The following JPH2 variants were observed in gnomAD, a reference collection of about 807,000 sequenced individuals.
The protein encoded by JPH2 is junctophilin-2.
JPH2 carries 38 observed loss-of-function variants against 55.9 expected under a neutral mutation model. The observed-to-expected ratio is 0.68, with a 90% CI of 0.52 to 0.89. The LOEUF (loss-of-function observed/expected upper bound fraction) is 0.89, where lower values mean the gene tolerates loss of function less well. JPH2 is among the 40% of genes least tolerant of loss of function. JPH2 has a pLI of 0.00. For synonymous variants in JPH2, 480 were observed against 472.4 expected (o/e 1.02, Z -0.21); for missense variants, 964 against 1,037.6 (o/e 0.93, Z 0.97).
intron 1 of JPH2, among the ~76,000 whole-genome samples, chr20:44,185,164 G>A (rs1213288632): frequency 6.6e-6 from 1 of 152,084 alleles, no homozygotes; most frequent in Non-Finnish European, 1.5e-5. Flanking sequence ...TAATTAGCTA[G>A]GCTTGGTGGC....
chr20:44,131,114 AC>A (rs2072315349), intron 2 of JPH2, among the ~76,000 whole-genome samples: 1 of 152,104 alleles, frequency 6.6e-6, no homozygotes, highest in Admixed American at 6.5e-5. Flanking sequence ...TGTGGGCTGG[AC>A]CTAGAGACAT....
chr20:44,114,710 C>T, intron 5 of JPH2, 72 bp downstream of exon 5: 1 of 1,138,980 alleles, frequency 8.8e-7, no homozygotes, highest in Non-Finnish European at 1.3e-6. Context: ...GTCCCTCCTC[C>T]CACCACCCTG....
chr20:44,143,352 C>G (rs530581206), intron 2 of JPH2, among the ~76,000 whole-genome samples: 2 of 152,244 alleles, frequency 1.3e-5, no homozygotes, highest in Admixed American at 1.3e-4. Context: ...GAGGCAAGCT[C>G]CATGTAAGGT....
intron 1 of JPH2, among the ~76,000 whole-genome samples, chr20:44,175,339 G>C (rs1173242380): frequency 6.6e-6 from 1 of 152,208 alleles, no homozygotes; most frequent in Non-Finnish European, 1.5e-5. Flanking sequence ...GTCCACCTCT[G>C]TCTTTTTAAA....
chr20:44,138,162 C>A (rs939597302), intron 2 of JPH2, among the ~76,000 whole-genome samples: 2 of 151,624 alleles, frequency 1.3e-5, no homozygotes, highest in Non-Finnish European at 2.9e-5. Context: ...TGCCCGCCAC[C>A]ACGCCCGGCC....
intron 2 of JPH2, among the ~76,000 whole-genome samples, chr20:44,157,246 T>C (rs2072572469): frequency 6.6e-6 from 1 of 152,208 alleles, no homozygotes; most frequent in South Asian, 2.1e-4. Flanking sequence ...TCTCCAGGGA[T>C]TGCCCTTGGC....
chr20:44,110,814 TAG>T lies in JPH2; in HGVS notation c.*2702_*2703del, dbSNP rs374772017. Among the ~76,000 whole-genome samples the T allele has an allele frequency of 3.9e-5, 6 of 152,264 alleles. No individual in the cohort carries two copies. Among genetic ancestry groups the T allele is most frequent in the East Asian group, 3.9e-4 (2 of 5,186 alleles). ...ATGAGGAAGACCATGGGGCAGGGAT[TAG>T]AGTCTCCTCAGCAGAAGAGGAAACT... On this transcript the variant is annotated 3_prime_UTR_variant, in exon 6 of 6. Transcript: ENST00000372980.
intron 2 of JPH2, among the ~76,000 whole-genome samples, chr20:44,158,685 T>TGGAC (rs2072582110): frequency 1.3e-5 from 2 of 152,234 alleles, no homozygotes; most frequent in African/African-American, 4.8e-5. Context: ...GGAGGGTGGA[T>TGGAC]GGACGCATGG....
intron 1 of JPH2, among the ~76,000 whole-genome samples, chr20:44,170,494 A>G (rs1318304755): frequency 1.3e-5 from 2 of 152,254 alleles, no homozygotes; most frequent in African/African-American, 2.4e-5. Flanking sequence ...CAGAGTGAGC[A>G]TCAGAGAGTC....
chr20:44,136,439 G>GT, intron 2 of JPH2, among the ~76,000 whole-genome samples: 1 of 124,846 alleles, frequency 8.0e-6, no homozygotes, highest in Non-Finnish European at 1.7e-5. Context: ...GGGACTCATC[G>GT]CCATCATCAT....
In JPH2 at chr20:44,111,084, C is replaced by T. The variant is rs539358660; in HGVS notation, c.*2434G>A. ...TGCCACCAACTTGCTGTGTGCGTGA[C>T]CTTGGGCAAGTCCCTCTGCTCTAAG... On this transcript the variant is annotated 3_prime_UTR_variant, in exon 6 of 6. Coordinates refer to ENST00000372980, the MANE Select transcript of JPH2 (RefSeq NM_020433.5). 6.6e-6 allele frequency among the ~76,000 whole-genome samples: 1 copy of T among 152,332 alleles called. No individual in the cohort carries two copies. The highest frequency in any genetic ancestry group is 2.1e-4 in the South Asian group (1 of 4,826).
At chr20:44,115,478 G>A (rs932028345) in intron 4 of JPH2, among the ~76,000 whole-genome samples, 187 bp downstream of exon 4, 3 of 152,132 alleles carry the variant, frequency 2.0e-5, no homozygotes, top group African/African-American at 7.2e-5. Context: ...ACGCTCCAAC[G>A]TCCTCTGTGG....
chr20:44,142,539 C>A (rs1198658056), intron 2 of JPH2, among the ~76,000 whole-genome samples: 1 of 152,192 alleles, frequency 6.6e-6, no homozygotes, highest in Non-Finnish European at 1.5e-5. Context: ...GGGCAGCTCC[C>A]CCTGACGCAG....
intron 2 of JPH2, among the ~76,000 whole-genome samples, chr20:44,152,086 T>C (rs2072534784): frequency 6.6e-6 from 1 of 152,186 alleles, no homozygotes; most frequent in Non-Finnish European, 1.5e-5. Flanking sequence ...GCCCTCAACG[T>C]GGGGGTCTCC....
At chr20:44,139,367 T>C (rs773223868) in intron 2 of JPH2, among the ~76,000 whole-genome samples, 1 of 151,890 alleles carries the variant, frequency 6.6e-6, no homozygotes, top group African/African-American at 2.4e-5. Context: ...TACCAACCCA[T>C]GGGTGGAAAT....
At chr20:44,126,835 A>G (rs978706390) in intron 2 of JPH2, among the ~76,000 whole-genome samples, 32 of 152,352 alleles carry the variant, frequency 2.1e-4, no homozygotes, top group African/African-American at 7.2e-4. Context: ...TAAGGGCACA[A>G]ACTCAAGCCC....
rs956076937 is a variant in JPH2 at position 44,168,829 on chromosome 20, T to G, written c.380-8422A>C. On this transcript the variant is annotated intron_variant, in intron 1 of 5. Transcript: ENST00000372980. ...CCCCTCCAAACTTCATGTTGAAATGTTATCCTCAGTGTTGGAGGTGGGGAC... is the reference window on the plus strand; with the variant it reads ...CCCCTCCAAACTTCATGTTGAAATGGTATCCTCAGTGTTGGAGGTGGGGAC... Among the ~76,000 whole-genome samples the G allele has an allele frequency of 6.6e-5, 10 of 152,228 alleles. 1 individual carries two copies. The highest frequency in any genetic ancestry group is 1.9e-4 in the African/African-American group (8 of 41,462).
At chr20:44,114,724 C>G in intron 5 of JPH2, 58 bp downstream of exon 5, 1 of 1,319,792 alleles carries the variant, frequency 7.6e-7, no homozygotes, top group Non-Finnish European at 1.1e-6. Context: ...CACCCTGGTG[C>G]TCAAAACTCC....
At chr20:44,179,650 G>C (rs1193322927) in intron 1 of JPH2, among the ~76,000 whole-genome samples, 1 of 152,136 alleles carries the variant, frequency 6.6e-6, no homozygotes, top group Non-Finnish European at 1.5e-5. Context: ...AATTCTTAAT[G>C]ATTTTAAAGA....
Sources: allele counts gnomAD v4.1 joint callset (sites outside exome capture counted in the v4.1 genomes callset), GRCh38; gene constraint gnomAD v4.1.1; transcripts MANE v1.5; gene names NCBI Gene and HGNC (gene_info 2026-07-23, HGNC 2026-07-21).